SHLD1: variants seen among roughly 807,000 people sequenced by gnomAD.
SHLD1 encodes the protein RINN1-REV7-interacting novel NHEJ regulator 3.
In SHLD1, 3 loss-of-function variants were observed where a neutral mutation model predicts 5.5. That is an observed-to-expected ratio of 0.54 (90% confidence interval 0.25 to 1.40). SHLD1 has a LOEUF of 1.40. SHLD1 is among the 40% of genes most tolerant of loss of function. The probability of loss-of-function intolerance (pLI) is 0.15; values close to 1 mark genes in which losing one functional copy is unlikely to be tolerated. For synonymous variants in SHLD1, 92 were observed against 94.3 expected (o/e 0.98, Z 0.14); for missense variants, 210 against 244.4 (o/e 0.86, Z 0.94).
chr20:5,761,687 A>G (rs1473816331), intron 1 of SHLD1, among the ~76,000 whole-genome samples: 2 of 149,442 alleles, frequency 1.3e-5, no homozygotes, highest in African/African-American at 4.9e-5. Context: ...GGCTCACTGC[A>G]ACCTCCGCTT....
intron 2 of SHLD1, among the ~76,000 whole-genome samples, chr20:5,847,644 C>T (rs1428175152): frequency 6.6e-6 from 1 of 152,068 alleles, no homozygotes; most frequent in Non-Finnish European, 1.5e-5. Context: ...ACAAGTGGCC[C>T]CTAACTGTAT....
At position 5,771,779 on chromosome 20, in the gene SHLD1, G is replaced by A. The variant is rs144468616; in HGVS notation, c.-4-1083G>A. The stretch of plus-strand genomic sequence containing the variant: ...TCTTTTTCCTTCTTCACAATTTCAC[G>A]GATAGAAGATTCATTGTTACAGTAG... On this transcript the variant is annotated intron_variant, in intron 1 of 2. Coordinates refer to ENST00000303142, the MANE Select transcript of SHLD1 (RefSeq NM_152504.4). 1.1e-3 allele frequency: 197 copies of A among 186,552 alleles called. 1 individual carries two copies. The highest frequency in any genetic ancestry group is 4.5e-3 in the African/African-American group (187 of 41,164). The allele number at this position is 186,552 out of a possible 1,614,324, so 11.6% of individuals were successfully genotyped here.
intron 1 of SHLD1, among the ~76,000 whole-genome samples, chr20:5,760,419 T>A (rs939658252): frequency 6.6e-6 from 1 of 151,976 alleles, no homozygotes; most frequent in South Asian, 2.1e-4. Flanking sequence ...GAGGCCGGGC[T>A]TGGTGGCTTA....
intron 2 of SHLD1, among the ~76,000 whole-genome samples, chr20:5,808,004 G>A (rs536857632): frequency 4.7e-4 from 72 of 152,236 alleles, no homozygotes; most frequent in African/African-American, 1.1e-3. Flanking sequence ...ATGTAAGGGC[G>A]GGCGCGGTGG....
intron 2 of SHLD1, among the ~76,000 whole-genome samples, chr20:5,830,777 T>C (rs1393771917): frequency 2.0e-5 from 3 of 151,910 alleles, no homozygotes; most frequent in Non-Finnish European, 2.9e-5. Flanking sequence ...GGAGGTCTTC[T>C]GGGGTTCTGG....
chr20:5,861,798 T>C (rs117505065), intron 2 of SHLD1, among the ~76,000 whole-genome samples: 165 of 152,328 alleles, frequency 1.1e-3, no homozygotes, highest in Non-Finnish European at 2.1e-3. Context: ...TACTTCAGCA[T>C]TGGCAAGTAC....
intron 2 of SHLD1, among the ~76,000 whole-genome samples, chr20:5,784,494 A>C (rs1600118471): frequency 1.3e-5 from 2 of 151,956 alleles, no homozygotes; most frequent in East Asian, 3.9e-4. Flanking sequence ...TCTGCTGTCC[A>C]GGCTGGAGTG....
At chr20:5,765,186 T>C (rs1984758364) in intron 1 of SHLD1, 1 of 152,038 alleles carries the variant, frequency 6.6e-6, no homozygotes, top group African/African-American at 2.4e-5. Context: ...GGACTACAGG[T>C]GTGAGCCACT....
intron 1 of SHLD1, among the ~76,000 whole-genome samples, chr20:5,767,122 A>ATTTTC (rs60269759): frequency 0.31 from 46,864 of 149,186 alleles, 7,783 homozygotes; most frequent in Non-Finnish European, 0.37. Flanking sequence ...CTCCATTCAC[A>ATTTTC]TTTTCTTTTC....
At chr20:5,797,369 TG>T (rs1600132047) in intron 2 of SHLD1, among the ~76,000 whole-genome samples, 1 of 152,148 alleles carries the variant, frequency 6.6e-6, no homozygotes, top group Non-Finnish European at 1.5e-5. Context: ...AAGATCAGCC[TG>T]GGCAACATAG....
chr20:5,793,948 G>C (rs57343954), intron 2 of SHLD1, among the ~76,000 whole-genome samples: 1 of 151,892 alleles, frequency 6.6e-6, no homozygotes, highest in African/African-American at 2.4e-5. Flanking sequence ...GACTTCAGGT[G>C]ATCTGCCCAC....
intron 1 of SHLD1, among the ~76,000 whole-genome samples, chr20:5,760,157 C>T (rs1277648880): frequency 3.9e-5 from 6 of 152,108 alleles, no homozygotes; most frequent in Non-Finnish European, 7.4e-5. Flanking sequence ...AGTGAAAGGT[C>T]CAGTCGAACA....
chr20:5,758,176 G>A (rs1338822691), intron 1 of SHLD1, among the ~76,000 whole-genome samples: 2 of 151,360 alleles, frequency 1.3e-5, no homozygotes, highest in African/African-American at 4.9e-5. Context: ...AGGAAGCAGG[G>A]TAAATTGGAG....
chr20:5,862,950 A>T, intron 2 of SHLD1, 74 bp from the exon 3 acceptor site: 1 of 1,305,788 alleles, frequency 7.7e-7, no homozygotes, highest in East Asian at 2.3e-5. Context: ...GAAAATAGAC[A>T]TCATCTGCTC....
At chr20:5,841,180 T>C (rs2087854667) in intron 2 of SHLD1, among the ~76,000 whole-genome samples, 1 of 150,962 alleles carries the variant, frequency 6.6e-6, no homozygotes, top group African/African-American at 2.5e-5. Context: ...AGTGTGTGTG[T>C]GTGTGTGTGT....
intron 2 of SHLD1, among the ~76,000 whole-genome samples, chr20:5,828,898 G>A (rs768482106): frequency 3.3e-5 from 5 of 152,022 alleles, no homozygotes; most frequent in Non-Finnish European, 5.9e-5. Flanking sequence ...TTTGAGATAG[G>A]ATCTCTCTTT....
intron 1 of SHLD1, among the ~76,000 whole-genome samples, chr20:5,753,620 A>G (rs1445155326): frequency 1.3e-5 from 2 of 152,344 alleles, no homozygotes; most frequent in Non-Finnish European, 2.9e-5. Context: ...GAAGCCAGGT[A>G]TATTCAACAT....
At chr20:5,751,373 C>T (rs1182399221) in intron 1 of SHLD1, among the ~76,000 whole-genome samples, 2 of 152,152 alleles carry the variant, frequency 1.3e-5, no homozygotes, top group East Asian at 3.8e-4. Flanking sequence ...GTGGCACGAT[C>T]TTGGCTCACT....
chr20:5,750,412 G>A lies in SHLD1; in HGVS notation c.-72G>A, dbSNP rs1016715355. Reference sequence around the variant, plus strand: ...GCCATTGCTTCCGCGTTCCGGTTGCGGATGGTGAGTGTGTCGGGGGGCTTG... The same window carrying A: ...GCCATTGCTTCCGCGTTCCGGTTGCAGATGGTGAGTGTGTCGGGGGGCTTG... On this transcript the variant is annotated 5_prime_UTR_variant, in exon 1 of 3. Coordinates refer to ENST00000303142, the MANE Select transcript of SHLD1 (RefSeq NM_152504.4). 6 of 151,306 alleles carry A rather than the reference G, an allele frequency of 4.0e-5. No homozygotes were observed. The highest frequency in any genetic ancestry group is 9.7e-5 in the African/African-American group (4 of 41,086). 9.4% of individuals were successfully genotyped at this position (151,306 alleles called of 1,614,324 possible).
Sources: allele counts gnomAD v4.1 joint callset (sites outside exome capture counted in the v4.1 genomes callset), GRCh38; gene constraint gnomAD v4.1.1; transcripts MANE v1.5; gene names NCBI Gene and HGNC (gene_info 2026-07-23, HGNC 2026-07-21).